The following BLOC1S2 variants were observed in gnomAD, a reference collection of about 807,000 sequenced individuals.
BLOC1S2 encodes the protein biogenesis of lysosomal organelles complex 1 subunit 2, also known as biogenesis of lysosome-related organelles complex 1 subunit 2.
In BLOC1S2, 12 loss-of-function variants were observed where a neutral mutation model predicts 19.6. The observed-to-expected ratio is 0.61, with a 90% CI of 0.39 to 0.99. BLOC1S2 has a LOEUF of 0.99. BLOC1S2 is among the 50% of genes least tolerant of loss of function. BLOC1S2 has a pLI of 0.00. For missense variants in BLOC1S2, 142 were observed against 171.0 expected, an observed-to-expected ratio of 0.83 and a Z score of 0.95; for synonymous variants, 66 against 64.1, an observed-to-expected ratio of 1.03 and a Z score of -0.14.
chr10:100,284,369 C>G (rs1792338544), intron 2 of BLOC1S2, among the ~76,000 whole-genome samples: 1 of 152,174 alleles, frequency 6.6e-6, no homozygotes, highest in African/African-American at 2.4e-5. Flanking sequence ...AACAAATAAT[C>G]AGGCTGATAA....
At chr10:100,277,822 G>A (rs1407816473) in intron 4 of BLOC1S2, among the ~76,000 whole-genome samples, 21 of 132,202 alleles carry the variant, frequency 1.6e-4, no homozygotes, top group East Asian at 9.6e-4. Flanking sequence ...CGCCCCGTCC[G>A]GGAGGGAGGT....
chr10:100,286,471 C>CG, intron 1 of BLOC1S2, 134 bp downstream of exon 1: 3 of 1,489,846 alleles, frequency 2.0e-6, no homozygotes, highest in Non-Finnish European at 2.7e-6. Flanking sequence ...GACAAACACT[C>CG]GCGCGCAGCG....
At chr10:100,284,531 A>C (rs1848186901) in intron 2 of BLOC1S2, among the ~76,000 whole-genome samples, 1 of 151,922 alleles carries the variant, frequency 6.6e-6, no homozygotes, top group African/African-American at 2.4e-5. Flanking sequence ...TCCCTCCATC[A>C]CCCAGGCTGG....
At position 100,273,536 on chromosome 10, in the gene BLOC1S2, T is replaced by C. The variant is rs1847774782; in HGVS notation, c.*1926A>G. 6.6e-6 allele frequency: 1 copy of C among 152,182 alleles called. No individual in the cohort carries two copies. Among genetic ancestry groups the C allele is most frequent in the Non-Finnish European group, 1.5e-5 (1 of 68,026 alleles). 9.4% of individuals were successfully genotyped at this position (152,182 alleles called of 1,614,324 possible). A position where few individuals can be genotyped will look rare whatever the true frequency, so the allele number is the denominator to read the frequency against. ...AGTGTAACAGGAAATAAAAACTTTT[T>C]AAAAATAGATCAACATGGCTGGGTG... is the stretch of plus-strand genomic sequence containing the variant. On this transcript the variant is annotated 3_prime_UTR_variant, in exon 5 of 5. Transcript: ENST00000370372.
intron 4 of BLOC1S2, among the ~76,000 whole-genome samples, chr10:100,277,474 G>A (rs1220886100): frequency 1.5e-5 from 2 of 135,666 alleles, no homozygotes; most frequent in African/African-American, 5.6e-5. Context: ...TCAGCCCCCC[G>A]CCCGGCCAGC....
At chr10:100,278,434 G>C (rs1195981193) in intron 4 of BLOC1S2, among the ~76,000 whole-genome samples, 24 of 152,338 alleles carry the variant, frequency 1.6e-4, no homozygotes, top group African/African-American at 5.0e-4. Flanking sequence ...GATGGTTGCC[G>C]TGTCTGTGTA....
chr10:100,278,494 ATTC>A (rs1285087077), intron 4 of BLOC1S2, among the ~76,000 whole-genome samples: 1 of 152,114 alleles, frequency 6.6e-6, no homozygotes, highest in Non-Finnish European at 1.5e-5. Flanking sequence ...ACTAAGAAAA[ATTC>A]TTCTGCCTTG....
At chr10:100,277,301 G>A (rs1185159944) in intron 4 of BLOC1S2, among the ~76,000 whole-genome samples, 6 of 151,766 alleles carry the variant, frequency 4.0e-5, no homozygotes, top group South Asian at 2.1e-4. Context: ...GAGCGTCTCC[G>A]CCCGGCAGCC....
intron 4 of BLOC1S2, 159 bp downstream of exon 4, chr10:100,279,965 G>C (rs1848060848): frequency 2.3e-6 from 1 of 430,872 alleles, no homozygotes; most frequent in African/African-American, 2.0e-5. Flanking sequence ...AAGTAATCAG[G>C]AAATGTTATT....
At chr10:100,281,726 A>ACACACACC in intron 2 of BLOC1S2, among the ~76,000 whole-genome samples, 1 of 150,162 alleles carries the variant, frequency 6.7e-6, no homozygotes, top group African/African-American at 2.5e-5. Flanking sequence ...ACACACACAC[A>ACACACACC]CACACACACA....
chr10:100,278,226 G>A (rs1454062167), intron 4 of BLOC1S2, among the ~76,000 whole-genome samples: 2 of 150,416 alleles, frequency 1.3e-5, no homozygotes, highest in African/African-American at 2.4e-5. Flanking sequence ...TCAGCCCCCC[G>A]CCTGGCCAGC....
At chr10:100,285,041 C>T (rs12761143) in intron 2 of BLOC1S2, among the ~76,000 whole-genome samples, 11,380 of 151,092 alleles carry the variant, frequency 0.075, 580 homozygotes, top group African/African-American at 0.14. Flanking sequence ...AAGACCAGCC[C>T]AGGCAACATA....
intron 2 of BLOC1S2, among the ~76,000 whole-genome samples, chr10:100,285,324 A>G (rs1848207592): frequency 6.6e-6 from 1 of 151,962 alleles, no homozygotes; most frequent in African/African-American, 2.4e-5. Context: ...GTGTGATCTC[A>G]GTCCACTGCA....
intron 2 of BLOC1S2, among the ~76,000 whole-genome samples, chr10:100,283,665 G>A (rs1848164448): frequency 6.6e-6 from 1 of 152,084 alleles, no homozygotes; most frequent in Non-Finnish European, 1.5e-5. Flanking sequence ...GAGGTCAGGA[G>A]TTCAAGTCCA....
chr10:100,277,577 G>A (rs1204672161), intron 4 of BLOC1S2, among the ~76,000 whole-genome samples: 1 of 119,654 alleles, frequency 8.4e-6, no homozygotes, highest in Non-Finnish European at 1.8e-5. Flanking sequence ...CCCCCGCCCG[G>A]CCAGCCGCTC....
At chr10:100,276,911 T>G (rs966642547) in intron 4 of BLOC1S2, among the ~76,000 whole-genome samples, 13 of 152,190 alleles carry the variant, frequency 8.5e-5, no homozygotes, top group African/African-American at 2.9e-4. Flanking sequence ...TTGCAGCCTC[T>G]GCCTGGCCGC....
chr10:100,285,176 C>T (rs1157728895), intron 2 of BLOC1S2, among the ~76,000 whole-genome samples: 1 of 152,130 alleles, frequency 6.6e-6, no homozygotes, highest in East Asian at 1.9e-4. Context: ...CAGTAATTTC[C>T]TGGGGAAGTG....
chr10:100,279,767 C>T (rs1025992664), intron 4 of BLOC1S2, among the ~76,000 whole-genome samples: 1 of 151,928 alleles, frequency 6.6e-6, no homozygotes, highest in Admixed American at 6.6e-5. Context: ...CCCAGCTACT[C>T]GGGGGGCTGA....
intron 4 of BLOC1S2, among the ~76,000 whole-genome samples, chr10:100,277,981 G>C (rs1257969933): frequency 8.8e-6 from 1 of 113,752 alleles, no homozygotes; most frequent in African/African-American, 3.7e-5. Flanking sequence ...CCCTCTGCCC[G>C]GCCAGCCGCC....
Sources: gnomAD v4.1 joint callset for allele counts (sites outside exome capture counted in the v4.1 genomes callset) on GRCh38, gnomAD v4.1.1 for gene constraint, MANE v1.5 for transcripts, NCBI Gene and HGNC (gene_info 2026-07-23, HGNC 2026-07-21) for gene names.